The following TRAFD1 variants were observed in gnomAD, a reference collection of about 807,000 sequenced individuals.
TRAFD1 encodes the protein TRAF-type zinc finger domain containing 1, also known as TRAF-type zinc finger domain-containing protein 1.
In TRAFD1, 38 loss-of-function variants were observed where a neutral mutation model predicts 65.3. The ratio of observed to expected loss-of-function variants is 0.58; its 90% confidence interval spans 0.45 to 0.76. The LOEUF (loss-of-function observed/expected upper bound fraction) is 0.76, where lower values mean the gene tolerates loss of function less well. Among genes scored for constraint, TRAFD1 ranks in the 30% least tolerant of loss-of-function variants. The pLI is 0.00. For synonymous variants in TRAFD1, 223 were observed against 257.2 expected, an observed-to-expected ratio of 0.87 and a Z score of 1.27; for missense variants, 631 against 712.6, an observed-to-expected ratio of 0.89 and a Z score of 1.30.
intron 6 of TRAFD1, among the ~76,000 whole-genome samples, chr12:112,143,707 T>G (rs2030152504): frequency 6.6e-6 from 1 of 151,752 alleles, no homozygotes; most frequent in Admixed American, 6.6e-5. Context: ...TGTTCCATAG[T>G]CATATTACAG....
chr12:112,143,678 A>C (rs901281303), intron 6 of TRAFD1, among the ~76,000 whole-genome samples: 1 of 148,972 alleles, frequency 6.7e-6, no homozygotes. Context: ...TGTACCTCCT[A>C]ATTTTTAAAA....
rs746004265 is a variant in TRAFD1, at chr12:112,142,160, A to C, written c.715A>C (p.Asn239His). 6.8e-6 allele frequency: 11 copies of C among 1,613,898 alleles called. No individual in the cohort carries two copies. In the Admixed American group the frequency reaches 8.3e-5, roughly 12 times the overall value. Residue 239 changes from asparagine to histidine, a missense_variant, in exon 6 of 12, where the codon AAC becomes CAC. Coordinates refer to ENST00000412615, the MANE Select transcript of TRAFD1 (RefSeq NM_006700.3). ...PPKEGGEESA[N>H]LDFMLALSLQ... ...CAAAGAGGGTGGTGAAGAGAGTGCA[A>C]ACTTGGACTTCATGTTGGCCCTAAG...
At chr12:112,147,983 T>C (rs868677322) in intron 7 of TRAFD1, 91 bp from the exon 8 acceptor site, 3 of 1,260,966 alleles carry the variant, frequency 2.4e-6, no homozygotes, top group Non-Finnish European at 3.3e-6. Context: ...ATTGTTAAAA[T>C]TATATGACTT....
chr12:112,144,038 C>G (rs1383081489), intron 6 of TRAFD1, among the ~76,000 whole-genome samples: 2 of 152,128 alleles, frequency 1.3e-5, no homozygotes, highest in African/African-American at 4.8e-5. Flanking sequence ...ATAGTTCCCT[C>G]TTTAACATGT....
chr12:112,134,638 TAAAGATTGGACAGGACAG>T, intron 2 of TRAFD1, 82 bp from the exon 3 acceptor site: 1 of 1,362,234 alleles, frequency 7.3e-7, no homozygotes, highest in South Asian at 1.4e-5. Context: ...TAATGGAGAC[TAAAGATTGGACAGGACAG>T]ATTTCCATGT....
In TRAFD1 at chr12:112,152,000, C is replaced by T. The variant is rs2030422807; in HGVS notation, c.1479C>T (p.Asp493=). 1.2e-6 allele frequency: 2 copies of T among 1,614,152 alleles called. No homozygotes were observed. Among genetic ancestry groups the T allele is most frequent in the Admixed American group, 1.7e-5 (1 of 60,012 alleles). ...AGCTCAGCAACTCAGACAGCCAGGACATCCAGGGGCGGAATCGAGACAGCC... is the reference window on the plus strand; with the variant it reads ...AGCTCAGCAACTCAGACAGCCAGGATATCCAGGGGCGGAATCGAGACAGCC... The part of the protein sequence containing the change: ...VPKLSNSDSQ[D]IQGRNRDSQN... Residue 493 remains aspartate, a synonymous_variant, in exon 10 of 12, where the codon GAC becomes GAT. Transcript: ENST00000412615.
Position 112,152,590 on chromosome 12 carries a change from C to A in TRAFD1, c.1692+91C>A. 1 of 1,595,314 alleles carries A rather than the reference C, an allele frequency of 6.3e-7. No individual in the cohort carries two copies. Among genetic ancestry groups the A allele is most frequent in the Non-Finnish European group, 8.6e-7 (1 of 1,166,144 alleles). On this transcript the variant is annotated intron_variant, in intron 11 of 11. Transcript: ENST00000412615. The surrounding 1 kb of genome is among the most constrained non-coding windows in gnomAD (Gnocchi z 5.0). ...CTGAAGTTGTAGAAGTTGTTGGGAC[C>A]AGGCTGGTTGTGGTTCAAAGATTGT...
At chr12:112,135,551 G>A (rs1002877231) in intron 4 of TRAFD1, among the ~76,000 whole-genome samples, 39 of 151,798 alleles carry the variant, frequency 2.6e-4, no homozygotes, top group African/African-American at 8.7e-4. Context: ...CTCCTGCCTC[G>A]GCCTCCTGAG....
At chr12:112,140,170 CA>C (rs1194177751) in intron 4 of TRAFD1, 1 of 319,560 alleles carries the variant, frequency 3.1e-6, no homozygotes, top group South Asian at 2.3e-5. Context: ...CCTGTAATCC[CA>C]GCACTTTGGG....
In TRAFD1 at chr12:112,129,490, C is replaced by G. The variant is rs11066178; in HGVS notation, c.-12-1021C>G. On this transcript the variant is annotated intron_variant, in intron 1 of 11. Coordinates refer to ENST00000412615, the MANE Select transcript of TRAFD1 (RefSeq NM_006700.3). ...GTTCTGGGAGTACAGGCATGAGCCC[C>G]TGTGCCTGACTTGTTGGTGAAATTT... 0.055 allele frequency among the ~76,000 whole-genome samples: 8,393 copies of G among 152,098 alleles called. 1,280 individuals carry two copies. The East Asian group carries it at 0.61, about 11-fold the overall frequency.
intron 6 of TRAFD1, among the ~76,000 whole-genome samples, chr12:112,145,013 T>C (rs1311001957): frequency 6.6e-5 from 10 of 152,166 alleles, no homozygotes; most frequent in Admixed American, 3.3e-4. Context: ...AAAATCTAGA[T>C]GGGTAGAAGG....
rs904198147 is a variant in TRAFD1, at chr12:112,130,908, ACTT to A, written c.47+343_47+345del. The stretch of plus-strand genomic sequence containing the variant: ...ATTACTTTATTTTCCTTCACTGGGT[ACTT>A]CTTTCACAATGTGCTATGTTTACCT... On this transcript the variant is annotated intron_variant, in intron 2 of 11. Transcript: ENST00000412615. This position sits in a 1 kb window ranked among gnomAD's most constrained non-coding sequence, Gnocchi z 4.4. 5.9e-5 allele frequency among the ~76,000 whole-genome samples: 9 copies of A among 152,214 alleles called. No individual in the cohort carries two copies. Among genetic ancestry groups the A allele is most frequent in the African/African-American group, 2.2e-4 (9 of 41,458 alleles).
chr12:112,135,275 G>A (rs543047737), intron 4 of TRAFD1, among the ~76,000 whole-genome samples: 83 of 152,298 alleles, frequency 5.4e-4, no homozygotes, highest in African/African-American at 1.9e-3. Flanking sequence ...GTTGAGACTC[G>A]CGAAGTATCT....
Position 112,149,779 on chromosome 12 carries a change from C to A in TRAFD1, c.1187C>A (p.Ala396Glu). ...CAGTGTGACCAACGCCCAGCCACTG[C>A]AACCAACCATGTGACAGAGGGGATT... The part of the protein sequence containing the change: ...QDQCDQRPAT[A>E]TNHVTEGIPR... The change falls in exon 9 of 12, where the codon GCA becomes GAA. Residue 396 changes from alanine to glutamate, a missense_variant. Transcript: ENST00000412615. 1 of 1,614,192 alleles carries A rather than the reference C, an allele frequency of 6.2e-7. No homozygotes were observed. Among genetic ancestry groups the A allele is most frequent in the Non-Finnish European group, 8.5e-7 (1 of 1,180,002 alleles).
rs569993431 is a variant in TRAFD1 at position 112,153,553 on chromosome 12, T to C, written c.*762T>C. The C allele has an allele frequency of 1.3e-5, 2 of 152,344 alleles. No homozygotes were observed. The highest frequency in any genetic ancestry group is 1.9e-4 in the East Asian group (1 of 5,180). 9.4% of individuals were successfully genotyped at this position (152,344 alleles called of 1,614,324 possible). ...TCCCCTTGTTTTTATTTTACTGTTA[T>C]AATAATTATTAACTTCCTTGTAATA... is the stretch of plus-strand genomic sequence containing the variant. On this transcript the variant is annotated 3_prime_UTR_variant, in exon 12 of 12. Transcript: ENST00000412615.
At chr12:112,128,559 A>G (rs181536304) in intron 1 of TRAFD1, among the ~76,000 whole-genome samples, 234 of 152,318 alleles carry the variant, frequency 1.5e-3, no homozygotes, top group African/African-American at 5.3e-3. Context: ...GGCAGACACC[A>G]TATCAACTAT....
In TRAFD1 at chr12:112,146,181, AAAGAAG is replaced by A. The variant is rs202116782; in HGVS notation, c.927+531_927+536del. On this transcript the variant is annotated intron_variant, in intron 7 of 11. Coordinates refer to ENST00000412615, the MANE Select transcript of TRAFD1 (RefSeq NM_006700.3). ...ACTTAAAGTATAATAATAATAAAAA[AAAGAAG>A]AAGAAGAAGAAAAAAAAAAACAATA... is the stretch of plus-strand genomic sequence containing the variant. Among the ~76,000 whole-genome samples, 1,002 of 150,562 alleles carry A rather than the reference AAAGAAG, an allele frequency of 6.7e-3. 12 individuals are homozygous for A. Among genetic ancestry groups the A allele is most frequent in the African/African-American group, 0.024 (961 of 40,724 alleles).
intron 9 of TRAFD1, among the ~76,000 whole-genome samples, chr12:112,150,286 GT>G (rs2030364723): frequency 6.6e-6 from 1 of 152,074 alleles, no homozygotes; most frequent in Admixed American, 6.5e-5. Context: ...GTCTTGCTCT[GT>G]CACCCAGGCT....
rs1324727366 is a variant in TRAFD1, at chr12:112,149,883, C to T, written c.1279+12C>T. 3 of 1,613,708 alleles carry T rather than the reference C, an allele frequency of 1.9e-6. No individual in the cohort carries two copies. The African/African-American group carries it at 4.0e-5, about 22-fold the overall frequency. On this transcript the variant is annotated intron_variant, in intron 9 of 11. Transcript: ENST00000412615. ...TGTCAGACACCAGGGTATTTATTAG[C>T]CAGGACTCAGCCAAGGCCGCAGGTC...
Sources: gnomAD v4.1 joint callset for allele counts (sites outside exome capture counted in the v4.1 genomes callset) on GRCh38, gnomAD v4.1.1 for gene constraint, Gnocchi (gnomAD v3.1) non-coding constraint, MANE v1.5 for transcripts, NCBI Gene and HGNC (gene_info 2026-07-23, HGNC 2026-07-21) for gene names.